Variants in GJA3 observed in about 807,000 individuals in gnomAD.
GJA3 encodes the protein gap junction alpha-3 protein.
For synonymous variants in GJA3, 297 were observed against 292.6 expected (o/e 1.02, Z -0.15); for missense variants, 571 against 620.3 (o/e 0.92, Z 0.84).
At chr13:20,145,714 C>A (rs1200199327) in intron 1 of GJA3, among the ~76,000 whole-genome samples, 1 of 152,352 alleles carries the variant, frequency 6.6e-6, no homozygotes. Flanking sequence ...CAACCTAAAG[C>A]CCCGCTCCGT....
At chr13:20,155,689 C>T (rs180757090) in intron 1 of GJA3, among the ~76,000 whole-genome samples, 12 of 151,666 alleles carry the variant, frequency 7.9e-5, no homozygotes, top group African/African-American at 2.9e-4. Flanking sequence ...ATTTTATTTT[C>T]TCCCTTGTCC....
In GJA3 at chr13:20,142,974, C is replaced by A. The variant is rs1486811017; in HGVS notation, c.315G>T (p.Lys105Asn). 2 of 1,588,572 alleles carry A rather than the reference C, an allele frequency of 1.3e-6. No homozygotes were observed. The highest frequency in any genetic ancestry group is 1.7e-6 in the Non-Finnish European group (2 of 1,167,480). Residue 105 changes from lysine (K) to asparagine (N), a missense_variant, in exon 2 of 2, where the codon AAG becomes AAT. Coordinates refer to ENST00000241125, the MANE Select transcript of GJA3 (RefSeq NM_021954.4). ...GCTCCTCCTCCTCCCTCTCTTTCTT[C>A]TTCTCTTCCATGCGCACGATGTGCA... The part of the protein sequence containing the change: ...HVLHIVRMEE[K>N]KKEREEEEQL...
At position 20,138,430 on chromosome 13, in the gene GJA3, C is replaced by T. The variant is rs2141135172; in HGVS notation, c.*3551G>A. ...CTTCAAATATGGTACTTTCTGGAAA[C>T]AGTTTGTTGCTTTGAGTGTTATTCA... On this transcript the variant is annotated 3_prime_UTR_variant, in exon 2 of 2. Transcript: ENST00000241125. 6.6e-6 allele frequency: 1 copy of T among 152,228 alleles called. No individual in the cohort carries two copies. Among genetic ancestry groups the T allele is most frequent in the East Asian group, 1.9e-4 (1 of 5,178 alleles). The allele number at this position is 152,228 out of a possible 1,614,324, so 9.4% of individuals were successfully genotyped here. A position where few individuals can be genotyped will look rare whatever the true frequency, so the allele number is the denominator to read the frequency against.
In GJA3 at chr13:20,150,684, C is replaced by A. The variant is rs995528385; in HGVS notation, c.-17-7379G>T. On this transcript the variant is annotated intron_variant, in intron 1 of 1. Coordinates refer to ENST00000241125, the MANE Select transcript of GJA3 (RefSeq NM_021954.4). ...TCAAGACAATGTGGGACCCTCGATG[C>A]GATCCCAGGCGGGGCTGGAGGGCGA... Among the ~76,000 whole-genome samples, 4 of 152,122 alleles carry A rather than the reference C, an allele frequency of 2.6e-5. 1 individual carries two copies. In the East Asian group the frequency reaches 7.8e-4, roughly 30 times the overall value.
intron 1 of GJA3, among the ~76,000 whole-genome samples, chr13:20,160,542 G>A (rs1958930943): frequency 6.6e-6 from 1 of 152,176 alleles, no homozygotes; most frequent in Non-Finnish European, 1.5e-5. Context: ...TCCTCCACCC[G>A]AGGGGGAAAA....
At chr13:20,161,094 C>G (rs1752440145), upstream of GJA3, 1 of 153,074 alleles carries the variant, frequency 6.5e-6, no homozygotes, top group Non-Finnish European at 1.5e-5. Flanking sequence ...GGACGCCGCG[C>G]CACGCCCCCG....
intron 1 of GJA3, among the ~76,000 whole-genome samples, chr13:20,159,180 TTG>T (rs997002331): frequency 3.0e-4 from 45 of 152,042 alleles, no homozygotes; most frequent in African/African-American, 1.0e-3. Context: ...TTATTACCTA[TTG>T]TGTGTGGCAC....
intron 1 of GJA3, among the ~76,000 whole-genome samples, chr13:20,152,466 C>T (rs1958884173): frequency 6.6e-6 from 1 of 152,108 alleles, no homozygotes; most frequent in South Asian, 2.1e-4. Flanking sequence ...CTCACTGCAA[C>T]CTCTGTCTTG....
chr13:20,144,387 C>G (rs534914081), intron 1 of GJA3, among the ~76,000 whole-genome samples: 182 of 152,322 alleles, frequency 1.2e-3, no homozygotes, highest in African/African-American at 4.2e-3. Context: ...AGGGTAGAAA[C>G]AGCACGCCCA....
Position 20,143,036 on chromosome 13 carries a change from C to A in GJA3, c.253G>T (p.Val85Leu), listed in dbSNP as rs752081323. The change falls in exon 2 of 2, where the codon GTG (valine) becomes TTG (leucine). Residue 85 changes from valine (V) to leucine (L), a missense_variant. Coordinates refer to ENST00000241125, the MANE Select transcript of GJA3 (RefSeq NM_021954.4). ...IRFWALQIIF[V>L]STPTLIYLGH... ...AGGTAGATGAGGGTGGGCGTGGACA[C>A]GAAGATGATCTGCAGCGCCCAGAAG... The A allele has an allele frequency of 1.2e-6, 2 of 1,612,950 alleles. No homozygotes were observed. Among genetic ancestry groups the A allele is most frequent in the African/African-American group, 2.7e-5 (2 of 74,874 alleles).
intron 1 of GJA3, among the ~76,000 whole-genome samples, chr13:20,153,381 C>G (rs534029956): frequency 6.6e-6 from 1 of 152,264 alleles, no homozygotes; most frequent in South Asian, 2.1e-4. Flanking sequence ...TTGGAACCAA[C>G]CCAAATGTCC....
chr13:20,158,912 C>CAAAAAAAAAAAAACACAA (rs1958920621), intron 1 of GJA3, among the ~76,000 whole-genome samples: 1 of 54,982 alleles, frequency 1.8e-5, no homozygotes, highest in African/African-American at 8.0e-5. Flanking sequence ...GCAAAACTCT[C>CAAAAAAAAAAAAACACAA]AAAAAAAAAA....
intron 1 of GJA3, among the ~76,000 whole-genome samples, chr13:20,152,191 G>A (rs1307786222): frequency 6.6e-6 from 1 of 152,132 alleles, no homozygotes; most frequent in Admixed American, 6.5e-5. Flanking sequence ...GGCAGGGGAG[G>A]AGGAAACGGG....
intron 1 of GJA3, among the ~76,000 whole-genome samples, chr13:20,148,986 T>G (rs1183046770): frequency 6.6e-6 from 1 of 152,226 alleles, no homozygotes; most frequent in African/African-American, 2.4e-5. Context: ...CCTTGATTCT[T>G]AGTCGTCTGA....
At chr13:20,156,672 G>A (rs1224905418) in intron 1 of GJA3, among the ~76,000 whole-genome samples, 2 of 152,076 alleles carry the variant, frequency 1.3e-5, no homozygotes, top group African/African-American at 2.4e-5. Context: ...TTAAAAAATT[G>A]TCTTCAATAT....
Position 20,142,352 on chromosome 13 carries a change from T to A in GJA3, c.937A>T (p.Lys313Ter). The part of the protein sequence containing the change: ...TEARGKGQSA[K>*]LYNGHHHLLM... Reference sequence around the variant, plus strand: ...AGGTGGTGGTGGCCGTTGTAGAGCTTGGCGGACTGGCCCTTTCCGCGCGCC... The same window carrying A: ...AGGTGGTGGTGGCCGTTGTAGAGCTAGGCGGACTGGCCCTTTCCGCGCGCC... The change falls in exon 2 of 2, where the codon AAG becomes TAG. Residue 313 changes from lysine (K) to a stop codon, truncating the protein, a stop_gained. Transcript: ENST00000241125. LOFTEE classifies it low-confidence loss of function (END_TRUNC). The A allele has an allele frequency of 6.5e-7, 1 of 1,548,756 alleles. No individual in the cohort carries two copies. The highest frequency in any genetic ancestry group is 8.7e-7 in the Non-Finnish European group (1 of 1,148,918).
chr13:20,150,976 CCATCTGTTCTCAGTACAT>C (rs1958873466), intron 1 of GJA3, among the ~76,000 whole-genome samples: 1 of 152,134 alleles, frequency 6.6e-6, no homozygotes, highest in Non-Finnish European at 1.5e-5. Flanking sequence ...CCATCGGCTT[CCATCTGTTCTCAGTACAT>C]CAAGAACGTC....
Position 20,142,411 on chromosome 13 carries a change from G to A in GJA3, c.878C>T (p.Pro293Leu). Residue 293 changes from proline (P) to leucine (L), a missense_variant, in exon 2 of 2, where the codon CCA becomes CTA. Transcript: ENST00000241125. ...RAVGYPGAPP[P>L]AADFKLLALT... Reference sequence around the variant, plus strand: ...GGCTAGCAGTTTGAAGTCCGCGGCTGGTGGCGGGGCCCCGGGGTAGCCCAC... The same window carrying A: ...GGCTAGCAGTTTGAAGTCCGCGGCTAGTGGCGGGGCCCCGGGGTAGCCCAC... The A allele has an allele frequency of 6.7e-7, 1 of 1,501,294 alleles. No individual in the cohort carries two copies. The highest frequency in any genetic ancestry group is 8.9e-7 in the Non-Finnish European group (1 of 1,125,390). The allele number at this position is 1,501,294 out of a possible 1,614,324, so 93.0% of individuals were successfully genotyped here. A position where few individuals can be genotyped will look rare whatever the true frequency, so the allele number is the denominator to read the frequency against.
chr13:20,141,775 T>A lies in GJA3; in HGVS notation c.*206A>T. 1.4e-6 allele frequency: 1 copy of A among 701,136 alleles called. No homozygotes were observed. Among genetic ancestry groups the A allele is most frequent in the South Asian group, 2.4e-5 (1 of 41,760 alleles). 43.4% of individuals were successfully genotyped at this position (701,136 alleles called of 1,614,324 possible). ...CACCCCCAAACTCAGAAAGTGGGAG[T>A]TATCCCCACTGTAACTCACAGTGCT... On this transcript the variant is annotated 3_prime_UTR_variant, in exon 2 of 2. Transcript: ENST00000241125.
Sources: gnomAD v4.1 joint callset for allele counts (sites outside exome capture counted in the v4.1 genomes callset) on GRCh38, gnomAD v4.1.1 for gene constraint, MANE v1.5 for transcripts, NCBI Gene and HGNC (gene_info 2026-07-23, HGNC 2026-07-21) for gene names.